SPTA1: variants seen among roughly 807,000 people sequenced by gnomAD.
SPTA1 encodes the protein spectrin alpha, erythrocytic 1.
Under a neutral mutation model 324.7 loss-of-function variants are expected in SPTA1, and 177 were observed. That is an observed-to-expected ratio of 0.55 (90% CI 0.48 to 0.62). The LOEUF is 0.62. Among genes scored for constraint, SPTA1 ranks in the 20% least tolerant of loss-of-function variants. SPTA1 has a pLI of 0.00. For missense variants in SPTA1, 3,162 were observed against 2,883.6 expected (o/e 1.10, Z -2.21); for synonymous variants, 1,195 against 1,041.3 (o/e 1.15, Z -2.84).
At chr1:158,613,952 C>T (rs753773636) in intron 49 of SPTA1, 85 bp from the exon 50 acceptor site, 35 of 1,450,954 alleles carry the variant, frequency 2.4e-5, no homozygotes, top group Admixed American at 3.9e-5. Flanking sequence ...CTTATTGCGT[C>T]AGCTGAAGCT....
At chr1:158,648,484 A>G (rs769633279) in intron 26 of SPTA1, 25 bp downstream of exon 26, 2 of 1,613,728 alleles carry the variant, frequency 1.2e-6, no homozygotes, top group East Asian at 2.2e-5. Context: ...AAAGTGTTGG[A>G]AAAGCTTTGA....
At chr1:158,678,651 T>G in intron 5 of SPTA1, 117 bp from the exon 6 acceptor site, 2 of 1,284,200 alleles carry the variant, frequency 1.6e-6, no homozygotes, top group South Asian at 2.6e-5. Context: ...AACTGACCAT[T>G]GTAGCCAGAC....
Position 158,652,692 on chromosome 1 carries a change from G to T in SPTA1, c.3189-39C>A, listed in dbSNP as rs1227408691. On this transcript the variant is annotated intron_variant, in intron 22 of 51. Coordinates refer to ENST00000643759, the MANE Select transcript of SPTA1 (RefSeq NM_003126.4). ...TGGGAAAAGTGGAATAAAAGAAGGA[G>T]AAAATACAGAAGAGTAGAGGCTGAG... 4 of 1,608,804 alleles carry T rather than the reference G, an allele frequency of 2.5e-6. No homozygotes were observed. The East Asian group carries it at 8.9e-5, about 36-fold the overall frequency.
chr1:158,639,528 G>A, intron 35 of SPTA1, 54 bp downstream of exon 35: 2 of 1,572,550 alleles, frequency 1.3e-6, no homozygotes, highest in Non-Finnish European at 1.8e-6. Context: ...GGAGGGAGAA[G>A]AGCCAGAAAT....
At position 158,612,742 on chromosome 1, in the gene SPTA1, T is replaced by C. The variant is rs965695001; in HGVS notation, c.7134+75A>G. ...AACAAGTGGGTGGGTTTTTTCAAAG[T>C]AGGCCACCGGGCCTGAGATGACCAG... On this transcript the variant is annotated intron_variant, in intron 51 of 51. Coordinates refer to ENST00000643759, the MANE Select transcript of SPTA1 (RefSeq NM_003126.4). 3.1e-5 allele frequency: 48 copies of C among 1,566,612 alleles called. 1 individual carries two copies. Among genetic ancestry groups the C allele is most frequent in the Non-Finnish European group, 3.8e-5 (43 of 1,139,308 alleles).
rs1220448495 is a variant in SPTA1, at chr1:158,669,749, T to A, written c.1637A>T (p.Asp546Val). The change falls in exon 13 of 52, where the codon GAC becomes GTC. Residue 546 changes from aspartate to valine, a missense_variant. Coordinates refer to ENST00000643759, the MANE Select transcript of SPTA1 (RefSeq NM_003126.4). Reference protein sequence around the residue: ...DKTATKLIGDDHYDSENIKAI... With the variant: ...DKTATKLIGDVHYDSENIKAI... The stretch of plus-strand genomic sequence containing the variant: ...CTTGATGTTCTCTGAATCATAATGG[T>A]CATCACCAATCAATTTGGTTGCAGT... 6.2e-6 allele frequency: 10 copies of A among 1,613,960 alleles called. No homozygotes were observed. In the African/African-American group the frequency reaches 1.2e-4, roughly 19 times the overall value.
intron 47 of SPTA1, among the ~76,000 whole-genome samples, chr1:158,616,455 C>A (rs535162695): frequency 6.6e-6 from 1 of 152,292 alleles, no homozygotes; most frequent in East Asian, 1.9e-4. Flanking sequence ...TCTCTGTCTT[C>A]ATGAGATCCA....
chr1:158,642,940 C>T lies in SPTA1; in HGVS notation c.4479G>A (p.Arg1493=), dbSNP rs1209113519. ...GGTTGGCATAGTCTCCAAGCTTTGT[C>T]CGCTCATCAATCAGTTGTGCTTTGA... is the stretch of plus-strand genomic sequence containing the variant. ...KALKAQLIDE[R]TKLGDYANLK... is the part of the protein sequence containing the mutation. The change falls in exon 32 of 52, where the codon CGG becomes CGA. Residue 1493 remains arginine, a synonymous_variant. Coordinates refer to ENST00000643759, the MANE Select transcript of SPTA1 (RefSeq NM_003126.4). The T allele has an allele frequency of 6.2e-7, 1 of 1,613,708 alleles. No individual in the cohort carries two copies. Among genetic ancestry groups the T allele is most frequent in the Admixed American group, 1.7e-5 (1 of 59,938 alleles).
At chr1:158,620,986 A>G (rs1649873274) in intron 43 of SPTA1, among the ~76,000 whole-genome samples, 1 of 152,080 alleles carries the variant, frequency 6.6e-6, no homozygotes, top group African/African-American at 2.4e-5. Context: ...TGACAAGGCT[A>G]TGTCATTTTC....
chr1:158,613,747 C>T lies in SPTA1; in HGVS notation c.6963G>A (p.Lys2321=). The part of the protein sequence containing the change: ...EEDEHEPKFE[K]FLDAVDPGRK... The stretch of plus-strand genomic sequence containing the variant: ...TCCCTGGATCCACAGCATCCAGGAA[C>T]TTCTCAAACTTGGGCTCATGTTCAT... The change falls in exon 50 of 52, where the codon AAG becomes AAA. Residue 2321 remains lysine, a synonymous_variant. Coordinates refer to ENST00000643759, the MANE Select transcript of SPTA1 (RefSeq NM_003126.4). The T allele has an allele frequency of 6.2e-7, 1 of 1,613,866 alleles. No individual in the cohort carries two copies. Among genetic ancestry groups the T allele is most frequent in the Non-Finnish European group, 8.5e-7 (1 of 1,179,830 alleles).
Position 158,681,639 on chromosome 1 carries a change from C to A in SPTA1, c.419G>T (p.Trp140Leu). Reference sequence around the variant, plus strand: ...CAGGGTCAGCTCTAACAGCAGGTCCCACAGGTGGCGTAGCTCCTCTATATG... The same window carrying A: ...CAGGGTCAGCTCTAACAGCAGGTCCAACAGGTGGCGTAGCTCCTCTATATG... ...KAHIEELRHL[W>L]DLLLELTLEK... The change falls in exon 4 of 52, where the codon TGG becomes TTG. Residue 140 changes from tryptophan to leucine, a missense_variant. Coordinates refer to ENST00000643759, the MANE Select transcript of SPTA1 (RefSeq NM_003126.4). The A allele has an allele frequency of 1.2e-6, 2 of 1,613,732 alleles. No individual in the cohort carries two copies. The highest frequency in any genetic ancestry group is 2.2e-5 in the East Asian group (1 of 44,868).
chr1:158,638,796 C>T (rs532961038), intron 35 of SPTA1, among the ~76,000 whole-genome samples: 15 of 150,426 alleles, frequency 1.0e-4, no homozygotes, highest in African/African-American at 3.7e-4. Flanking sequence ...TCATTCGTTC[C>T]CATACAAGAC....
Position 158,680,642 on chromosome 1 carries a change from G to A in SPTA1, c.619C>T (p.Leu207=). ...HKKFEDFQVE[L]VAKEGRVVEV... ...ACAACTCTCCCTTCTTTAGCTACCAGCTCCACTTGGAAGTCTTCAAATTTC... is the reference window on the plus strand; with the variant it reads ...ACAACTCTCCCTTCTTTAGCTACCAACTCCACTTGGAAGTCTTCAAATTTC... The change falls in exon 5 of 52, where the codon CTG becomes TTG. Residue 207 remains leucine (L), a synonymous_variant. Coordinates refer to ENST00000643759, the MANE Select transcript of SPTA1 (RefSeq NM_003126.4). 6.2e-7 allele frequency: 1 copy of A among 1,613,894 alleles called. No individual in the cohort carries two copies. The highest frequency in any genetic ancestry group is 8.5e-7 in the Non-Finnish European group (1 of 1,179,884).
intron 21 of SPTA1, among the ~76,000 whole-genome samples, chr1:158,654,393 T>C (rs1426992472): frequency 1.3e-5 from 2 of 152,236 alleles, no homozygotes; most frequent in South Asian, 2.1e-4. Context: ...CAATTCTTTA[T>C]GATTTTAACT....
At chr1:158,653,103 T>C (rs1408712886) in intron 22 of SPTA1, among the ~76,000 whole-genome samples, 171 bp downstream of exon 22, 1 of 152,196 alleles carries the variant, frequency 6.6e-6, no homozygotes, top group African/African-American at 2.4e-5. Context: ...TTGCCTTTCC[T>C]CAAAAAGAAA....
At chr1:158,636,822 A>C in intron 36 of SPTA1, 61 bp from the exon 37 acceptor site, 1 of 1,609,876 alleles carries the variant, frequency 6.2e-7, no homozygotes, top group Non-Finnish European at 8.5e-7. Context: ...ATCCTACAGC[A>C]ATAGCTTTCT....
In SPTA1 at chr1:158,623,048, G is replaced by A. The variant is rs950832087; in HGVS notation, c.6055C>T (p.Gln2019Ter). The A allele has an allele frequency of 1.9e-6, 3 of 1,614,040 alleles. No individual in the cohort carries two copies. The highest frequency in any genetic ancestry group is 1.7e-5 in the Admixed American group (1 of 59,994). Residue 2019 changes from glutamine to a stop codon, truncating the protein, a stop_gained, in exon 43 of 52, where the codon CAG (glutamine) becomes TAG (stop). Coordinates refer to ENST00000643759, the MANE Select transcript of SPTA1 (RefSeq NM_003126.4). LOFTEE classifies it high-confidence loss of function. ...RYAALLKRWE[Q>*]LLEASAVHRQ... Reference sequence around the variant, plus strand: ...TGGACTGCCGAGGCTTCCAGCAACTGTTCCCAGCGCTTCAGCAGAGCGGCA... The same window carrying A: ...TGGACTGCCGAGGCTTCCAGCAACTATTCCCAGCGCTTCAGCAGAGCGGCA...
At chr1:158,620,620 G>A (rs1393713378) in intron 43 of SPTA1, 154 bp from the exon 44 acceptor site, 1 of 880,472 alleles carries the variant, frequency 1.1e-6, no homozygotes, top group Non-Finnish European at 1.7e-6. Flanking sequence ...TGTGTACTTT[G>A]ATGGTTGAAC....
chr1:158,681,713 C>T (rs763246808), intron 3 of SPTA1, 46 bp from the exon 4 acceptor site: 2 of 1,612,560 alleles, frequency 1.2e-6, no homozygotes, highest in African/African-American at 2.7e-5. Context: ...ACACTGGGAG[C>T]AGGGAAACAC....
Sources: gnomAD v4.1 joint callset for allele counts (sites outside exome capture counted in the v4.1 genomes callset) on GRCh38, gnomAD v4.1.1 for gene constraint, MANE v1.5 for transcripts, NCBI Gene and HGNC (gene_info 2026-07-23, HGNC 2026-07-21) for gene names.